Variants in IFT74 observed in about 807,000 individuals in gnomAD.
The protein encoded by IFT74 is intraflagellar transport protein 74 homolog.
Under a neutral mutation model 96.7 loss-of-function variants are expected in IFT74, and 92 were observed. That is an observed-to-expected ratio of 0.95 (90% CI 0.80 to 1.13). The LOEUF (loss-of-function observed/expected upper bound fraction) is 1.13. Ranked by LOEUF, IFT74 falls within the 50% of genes most tolerant of loss-of-function variation. IFT74 has a pLI of 0.00. For synonymous variants in IFT74, 223 were observed against 213.2 expected (o/e 1.05, Z -0.40); for missense variants, 811 against 698.2 (o/e 1.16, Z -1.82).
intron 1 of IFT74, among the ~76,000 whole-genome samples, chr9:26,959,361 G>A (rs984826123): frequency 6.6e-6 from 1 of 152,068 alleles, no homozygotes; most frequent in Non-Finnish European, 1.5e-5. Context: ...CGCCCGCCTC[G>A]GCCTCCCAAA....
chr9:26,984,671 G>A (rs982659897), intron 6 of IFT74, 112 bp downstream of exon 6: 2 of 749,782 alleles, frequency 2.7e-6, no homozygotes, highest in African/African-American at 3.6e-5. Flanking sequence ...TTCAAAAGAA[G>A]ACAAACATGC....
intron 6 of IFT74, among the ~76,000 whole-genome samples, chr9:26,988,145 T>A (rs1018899419): frequency 2.0e-5 from 3 of 152,064 alleles, no homozygotes; most frequent in African/African-American, 7.2e-5. Context: ...AGAGACAGGG[T>A]TTCTCCATGT....
intron 7 of IFT74, among the ~76,000 whole-genome samples, chr9:26,989,777 A>G (rs1827789186): frequency 6.6e-6 from 1 of 152,122 alleles, no homozygotes; most frequent in African/African-American, 2.4e-5. Flanking sequence ...TGGTTCAGGA[A>G]TAAAACTTGT....
At chr9:26,969,832 C>G (rs559144923) in intron 2 of IFT74, among the ~76,000 whole-genome samples, 8 of 152,150 alleles carry the variant, frequency 5.3e-5, no homozygotes, top group Admixed American at 1.3e-4. Context: ...TGAACATTTA[C>G]TTTAGGAATG....
Position 27,017,033 on chromosome 9 carries a change from G to A in IFT74, c.916G>A (p.Glu306Lys). 1 of 1,604,450 alleles carries A rather than the reference G, an allele frequency of 6.2e-7. No homozygotes were observed. The highest frequency in any genetic ancestry group is 8.5e-7 in the Non-Finnish European group (1 of 1,176,722). Residue 306 changes from glutamate to lysine, a missense_variant, in exon 11 of 20, where the codon GAG (glutamate) becomes AAG (lysine). Coordinates refer to ENST00000380062, the MANE Select transcript of IFT74 (RefSeq NM_025103.4). ...KSIGSPMEER[E>K]KLLKQIKDDN... is the part of the protein sequence containing the mutation. ...CATAGGATCTCCAATGGAAGAGAGA[G>A]AGAAATTACTTAAGCAGGTGGGCAA...
chr9:27,050,465 G>A (rs914726478), intron 16 of IFT74, among the ~76,000 whole-genome samples: 1 of 152,206 alleles, frequency 6.6e-6, no homozygotes, highest in Non-Finnish European at 1.5e-5. Flanking sequence ...TGAGGTTAAA[G>A]AGACTAGGAT....
At chr9:26,992,564 G>T (rs144303546) in intron 8 of IFT74, among the ~76,000 whole-genome samples, 18 of 151,672 alleles carry the variant, frequency 1.2e-4, no homozygotes, top group African/African-American at 3.9e-4. Context: ...GAGGTGGCAG[G>T]TGCCTGTAAT....
At chr9:27,062,576 A>G (rs1587437334) in intron 19 of IFT74, 42 bp from the exon 20 acceptor site, 4 of 1,105,240 alleles carry the variant, frequency 3.6e-6, no homozygotes, top group Non-Finnish European at 5.4e-6. Flanking sequence ...GCACAATTAG[A>G]TTTTTATTGA....
In IFT74 at chr9:27,009,063, G is replaced by A; in HGVS notation, c.631G>A (p.Glu211Lys). The A allele has an allele frequency of 6.2e-7, 1 of 1,613,018 alleles. No individual in the cohort carries two copies. Among genetic ancestry groups the A allele is most frequent in the Non-Finnish European group, 8.5e-7 (1 of 1,179,342 alleles). Residue 211 changes from glutamate to lysine, a missense_variant, in exon 9 of 20, where the codon GAA becomes AAA. Glu to Lys is a moderately conservative substitution (Grantham distance 56). Transcript: ENST00000380062. ...AAGTGTCGAAGAAGAAATTGAACAG[G>A]AAAAACAAGCAACAGATGACATTAT... Reference protein sequence around the residue: ...IRSVEEEIEQEKQATDDIIKN... With the variant: ...IRSVEEEIEQKKQATDDIIKN...
At chr9:26,992,624 C>T (rs1219249111) in intron 8 of IFT74, among the ~76,000 whole-genome samples, 2 of 151,474 alleles carry the variant, frequency 1.3e-5, no homozygotes, top group Non-Finnish European at 2.9e-5. Flanking sequence ...ACCCAGGAGG[C>T]GGAGGGTTCA....
At chr9:26,976,691 G>A (rs1827141324) in intron 2 of IFT74, 1 of 449,664 alleles carries the variant, frequency 2.2e-6, no homozygotes, top group South Asian at 1.6e-5. Flanking sequence ...AAGAAAGGCA[G>A]GGGGTACCTG....
intron 8 of IFT74, chr9:26,994,111 G>A (rs1437111353): frequency 2.0e-5 from 3 of 152,146 alleles, no homozygotes; most frequent in African/African-American, 7.2e-5. Context: ...GAATGTTATT[G>A]AACTACGAGC....
intron 2 of IFT74, among the ~76,000 whole-genome samples, chr9:26,963,670 G>A (rs10967626): frequency 0.16 from 24,531 of 151,536 alleles, 2,926 homozygotes; most frequent in East Asian, 0.68. Context: ...GTGAGATGGT[G>A]TCTCATTGTG....
intron 12 of IFT74, among the ~76,000 whole-genome samples, chr9:27,024,413 A>G (rs565488136): frequency 6.6e-6 from 1 of 152,302 alleles, no homozygotes; most frequent in East Asian, 1.9e-4. Context: ...CAGAACAGCA[A>G]TAACAATCAC....
intron 1 of IFT74, among the ~76,000 whole-genome samples, chr9:26,959,331 G>T (rs1317532428): frequency 6.6e-6 from 1 of 152,018 alleles, no homozygotes; most frequent in African/African-American, 2.4e-5. Flanking sequence ...GGATGGTCTC[G>T]ATCTCCTGAC....
chr9:27,033,431 T>TG (rs1196905850), intron 13 of IFT74, among the ~76,000 whole-genome samples: 2 of 152,048 alleles, frequency 1.3e-5, no homozygotes, highest in African/African-American at 4.8e-5. Context: ...TGGTGATGTG[T>TG]GTTTGACTTG....
intron 1 of IFT74, 73 bp from the exon 2 acceptor site, chr9:26,961,876 A>G: frequency 6.8e-7 from 1 of 1,469,054 alleles, no homozygotes; most frequent in Non-Finnish European, 9.4e-7. Context: ...ATTAAATGTA[A>G]GGGTATGATG....
intron 12 of IFT74, among the ~76,000 whole-genome samples, chr9:27,020,351 C>T (rs548700444): frequency 4.6e-5 from 7 of 151,422 alleles, no homozygotes; most frequent in South Asian, 2.1e-4. Flanking sequence ...TACTAAGAAA[C>T]TAATTTTTTT....
At chr9:27,033,790 T>G (rs915415936) in intron 13 of IFT74, among the ~76,000 whole-genome samples, 1 of 152,156 alleles carries the variant, frequency 6.6e-6, no homozygotes, top group South Asian at 2.1e-4. Flanking sequence ...AGAAGTGAAA[T>G]TTTGAATGGA....
Sources: allele counts gnomAD v4.1 joint callset (sites outside exome capture counted in the v4.1 genomes callset), GRCh38; gene constraint gnomAD v4.1.1; transcripts MANE v1.5; gene names NCBI Gene and HGNC (gene_info 2026-07-23, HGNC 2026-07-21).